Variants in TOX observed in about 807,000 individuals in gnomAD.
TOX encodes the protein thymocyte selection-associated high mobility group box protein TOX.
TOX carries 11 observed loss-of-function variants against 53.7 expected under a neutral mutation model. That is an observed-to-expected ratio of 0.20 (90% CI 0.13 to 0.34). The LOEUF (loss-of-function observed/expected upper bound fraction) is 0.34. TOX is among the 10% of genes least tolerant of loss of function. The probability of loss-of-function intolerance (pLI) is 1.00; values close to 1 mark genes in which losing one functional copy is unlikely to be tolerated. For missense variants in TOX, 570 were observed against 664.6 expected, an observed-to-expected ratio of 0.86 and a Z score of 1.56; for synonymous variants, 225 against 245.3, an observed-to-expected ratio of 0.92 and a Z score of 0.77.
chr8:58,839,483 G>GA (rs1810607230), intron 4 of TOX, among the ~76,000 whole-genome samples: 1 of 152,070 alleles, frequency 6.6e-6, no homozygotes, highest in Non-Finnish European at 1.5e-5. Context: ...ATACAACTGG[G>GA]AAAAAACACA....
At chr8:58,998,529 A>AATAAATT (rs1242406325) in intron 1 of TOX, among the ~76,000 whole-genome samples, 2 of 15,852 alleles carry the variant, frequency 1.3e-4, no homozygotes, top group Non-Finnish European at 2.8e-4. Context: ...ATATATATAT[A>AATAAATT]TATATATATA....
At chr8:58,939,605 A>C in intron 2 of TOX, 61 bp from the exon 3 acceptor site, 1 of 1,527,842 alleles carries the variant, frequency 6.5e-7, no homozygotes, top group Non-Finnish European at 8.8e-7. Context: ...TCATCATCAT[A>C]TCAAACACTT....
chr8:58,849,264 G>A (rs970894322), intron 4 of TOX, among the ~76,000 whole-genome samples: 3 of 152,230 alleles, frequency 2.0e-5, no homozygotes, highest in East Asian at 1.9e-4. Context: ...ACATGAATTC[G>A]TATGAATGTT....
chr8:58,947,848 A>G (rs1812549575), intron 2 of TOX, among the ~76,000 whole-genome samples: 2 of 152,206 alleles, frequency 1.3e-5, no homozygotes, highest in Non-Finnish European at 2.9e-5. Flanking sequence ...GAGGACCACA[A>G]AACTGACAAA....
At chr8:58,902,978 T>C (rs1811754743) in intron 3 of TOX, among the ~76,000 whole-genome samples, 1 of 152,200 alleles carries the variant, frequency 6.6e-6, no homozygotes, top group South Asian at 2.1e-4. Flanking sequence ...TCTCTCTAAA[T>C]CTTGGCTGGC....
At chr8:59,041,353 A>C (rs568257401) in intron 1 of TOX, among the ~76,000 whole-genome samples, 22 of 152,138 alleles carry the variant, frequency 1.4e-4, no homozygotes, top group African/African-American at 5.3e-4. Context: ...AGTGTCCCCA[A>C]ACTCATCAGG....
intron 1 of TOX, among the ~76,000 whole-genome samples, chr8:59,087,306 C>CA (rs1804529113): frequency 6.6e-6 from 1 of 152,222 alleles, no homozygotes; most frequent in East Asian, 1.9e-4. Context: ...CTTAGCCTTT[C>CA]AGCTTTGCCG....
At position 58,815,485 on chromosome 8, in the gene TOX, C is replaced by T. The variant is rs1187789048; in HGVS notation, c.1245G>A (p.Val415=). ...PVTVSIANMA[V]SPPPPLQISP... ...TGATCTGGAGGGGAGGAGGAGGGGA[C>T]ACAGCCATGTTTGCTATAGAGACAG... The change falls in exon 7 of 9, where the codon GTG becomes GTA. Residue 415 remains valine, a synonymous_variant. Coordinates refer to ENST00000361421, the MANE Select transcript of TOX (RefSeq NM_014729.3). 2 of 1,613,746 alleles carry T rather than the reference C, an allele frequency of 1.2e-6. No homozygotes were observed. Among genetic ancestry groups the T allele is most frequent in the African/African-American group, 2.7e-5 (2 of 74,878 alleles).
intron 1 of TOX, among the ~76,000 whole-genome samples, chr8:59,100,544 C>T (rs1477082584): frequency 6.6e-6 from 1 of 152,056 alleles, no homozygotes; most frequent in Admixed American, 6.6e-5. Flanking sequence ...TGGTTCCATA[C>T]CATATTAGGG....
At chr8:59,112,018 C>T (rs1234652804) in intron 1 of TOX, among the ~76,000 whole-genome samples, 1 of 152,042 alleles carries the variant, frequency 6.6e-6, no homozygotes, top group Non-Finnish European at 1.5e-5. Context: ...ACATGGAAAT[C>T]TGAAAATAGC....
At chr8:58,956,748 TG>T (rs1226840365) in intron 2 of TOX, among the ~76,000 whole-genome samples, 1 of 152,156 alleles carries the variant, frequency 6.6e-6, no homozygotes, top group Non-Finnish European at 1.5e-5. Flanking sequence ...CTGGAGTGGC[TG>T]GGATTACAGG....
At chr8:59,075,322 A>G (rs559601084) in intron 1 of TOX, among the ~76,000 whole-genome samples, 4 of 152,318 alleles carry the variant, frequency 2.6e-5, no homozygotes, top group African/African-American at 9.6e-5. Context: ...CAGATGCTGA[A>G]GGGACTCTCT....
At chr8:58,934,212 A>G (rs1812307195) in intron 3 of TOX, among the ~76,000 whole-genome samples, 1 of 152,206 alleles carries the variant, frequency 6.6e-6, no homozygotes, top group Non-Finnish European at 1.5e-5. Flanking sequence ...GGACTTCAGG[A>G]AAATGGAATC....
chr8:59,046,668 G>T (rs1339389260), intron 1 of TOX, among the ~76,000 whole-genome samples: 1 of 151,878 alleles, frequency 6.6e-6, no homozygotes, highest in Non-Finnish European at 1.5e-5. Context: ...GACCAGCCTG[G>T]CCAACATGGT....
chr8:58,868,964 A>C (rs1811150162), intron 3 of TOX, among the ~76,000 whole-genome samples: 1 of 152,064 alleles, frequency 6.6e-6, no homozygotes, highest in South Asian at 2.1e-4. Context: ...AGAAGACACA[A>C]ATTACCAATA....
At chr8:58,956,273 G>A (rs1812705958) in intron 2 of TOX, among the ~76,000 whole-genome samples, 2 of 152,158 alleles carry the variant, frequency 1.3e-5, no homozygotes, top group African/African-American at 4.8e-5. Context: ...GGAGAAGGGG[G>A]CTGAAGTTTT....
At chr8:59,045,793 G>A (rs894097807) in intron 1 of TOX, among the ~76,000 whole-genome samples, 7 of 152,200 alleles carry the variant, frequency 4.6e-5, no homozygotes, top group African/African-American at 1.7e-4. Context: ...AGTAGAAGCT[G>A]ACTTTTATAG....
At chr8:58,823,617 C>G (rs557402285) in intron 6 of TOX, among the ~76,000 whole-genome samples, 213 of 152,292 alleles carry the variant, frequency 1.4e-3, no homozygotes, top group African/African-American at 5.0e-3. Flanking sequence ...TCATTGATTG[C>G]TCTTATTTTT....
chr8:58,892,927 C>G (rs993316312), intron 3 of TOX, among the ~76,000 whole-genome samples: 1 of 152,060 alleles, frequency 6.6e-6, no homozygotes, highest in Non-Finnish European at 1.5e-5. Context: ...ATGCAGGCAA[C>G]AATATTATAA....
Sources: gnomAD v4.1 joint callset for allele counts (sites outside exome capture counted in the v4.1 genomes callset) on GRCh38, gnomAD v4.1.1 for gene constraint, MANE v1.5 for transcripts, NCBI Gene and HGNC (gene_info 2026-07-23, HGNC 2026-07-21) for gene names.